The following ABLIM1 variants were observed in gnomAD, a reference collection of about 807,000 sequenced individuals.
ABLIM1 encodes the protein actin binding LIM protein 1, also known as actin-binding LIM protein 1.
A neutral mutation model predicts 107.0 loss-of-function variants in ABLIM1; 40 were observed. That is an observed-to-expected ratio of 0.37 (90% confidence interval 0.29 to 0.49). The LOEUF is 0.49. Among genes scored for constraint, ABLIM1 ranks in the 20% least tolerant of loss-of-function variants. ABLIM1 has a pLI of 0.97. For missense variants in ABLIM1, 857 were observed against 1,008.5 expected, an observed-to-expected ratio of 0.85 and a Z score of 2.04; for synonymous variants, 357 against 357.3, an observed-to-expected ratio of 1.00 and a Z score of 0.01.
intron 7 of ABLIM1, among the ~76,000 whole-genome samples, chr10:114,489,269 G>A (rs1166388465): frequency 2.6e-5 from 4 of 152,036 alleles, no homozygotes; most frequent in Non-Finnish European, 5.9e-5. Flanking sequence ...CACCCACCTC[G>A]GCCTACCAAA....
intron 6 of ABLIM1, chr10:114,526,501 A>T (rs1590923321): frequency 2.8e-6 from 1 of 355,236 alleles, no homozygotes; most frequent in Non-Finnish European, 3.9e-6. Flanking sequence ...AGTTTACATA[A>T]ATGTATGTCA....
chr10:114,590,706 C>T (rs1261491661), intron 2 of ABLIM1, among the ~76,000 whole-genome samples: 4 of 152,128 alleles, frequency 2.6e-5, no homozygotes, highest in African/African-American at 7.2e-5. Context: ...CTTTGCCTTG[C>T]CCAGGCTTTT....
chr10:114,757,687 G>A lies in ABLIM1; in HGVS notation c.-213+10374C>T, dbSNP rs148964356. On this transcript the variant is annotated intron_variant, in intron 1 of 15. Coordinates refer to the ABLIM1 transcript ENST00000651092. ...CATCTTCTCTTATCTTGACCATTAC[G>A]GTAGCCTCCTAACTGTTCTTCTTGC... 3.5e-3 allele frequency among the ~76,000 whole-genome samples: 526 copies of A among 152,172 alleles called. 2 individuals are homozygous for A. The highest frequency in any genetic ancestry group is 0.012 in the African/African-American group (500 of 41,512).
At chr10:114,711,851 C>T (rs1206960072) in intron 1 of ABLIM1, among the ~76,000 whole-genome samples, 2 of 152,118 alleles carry the variant, frequency 1.3e-5, no homozygotes, top group East Asian at 3.9e-4. Flanking sequence ...CTCCTCCCAC[C>T]CTCAGATATC....
At position 114,629,094 on chromosome 10, in the gene ABLIM1, A is replaced by G. The variant is rs940869075; in HGVS notation, c.245-27133T>C. Among the ~76,000 whole-genome samples, 1 of 152,332 alleles carries G rather than the reference A, an allele frequency of 6.6e-6. No individual in the cohort carries two copies. The highest frequency in any genetic ancestry group is 1.5e-5 in the Non-Finnish European group (1 of 68,026). On this transcript the variant is annotated intron_variant, in intron 1 of 22. Coordinates refer to ENST00000533213, the MANE Select transcript of ABLIM1 (RefSeq NM_002313.7). This position sits in a 1 kb window ranked among gnomAD's most constrained non-coding sequence, Gnocchi z 4.0. Reference sequence around the variant, plus strand: ...GCTGGAAGTGAATGGGTGCCTGGTCAGGAGAACAAAAGATAATAAGGTCAA... The same window carrying G: ...GCTGGAAGTGAATGGGTGCCTGGTCGGGAGAACAAAAGATAATAAGGTCAA...
chr10:114,546,543 C>T (rs2067371340), intron 5 of ABLIM1, among the ~76,000 whole-genome samples: 1 of 152,066 alleles, frequency 6.6e-6, no homozygotes, highest in Non-Finnish European at 1.5e-5. Flanking sequence ...GATCCGACTG[C>T]CTCGGCCTCC....
intron 1 of ABLIM1, among the ~76,000 whole-genome samples, chr10:114,765,341 G>A (rs997625099): frequency 3.4e-5 from 5 of 148,468 alleles, no homozygotes; most frequent in Non-Finnish European, 7.5e-5. Context: ...GAGCCACTGC[G>A]CCCGGCCATT....
chr10:114,468,847 C>T (rs1229380507), intron 10 of ABLIM1, among the ~76,000 whole-genome samples: 4 of 151,524 alleles, frequency 2.6e-5, no homozygotes, highest in Non-Finnish European at 2.9e-5. Flanking sequence ...GTCAGGAGAT[C>T]GAGACCATCC....
At chr10:114,772,245 C>G (rs1283855393), upstream of ABLIM1, among the ~76,000 whole-genome samples, 1 of 152,066 alleles carries the variant, frequency 6.6e-6, no homozygotes, top group Non-Finnish European at 1.5e-5. Context: ...GATAAAATGA[C>G]CTCAGATTAG....
intron 1 of ABLIM1, among the ~76,000 whole-genome samples, chr10:114,745,641 G>A (rs1245264622): frequency 6.6e-6 from 1 of 152,052 alleles, no homozygotes; most frequent in Non-Finnish European, 1.5e-5. Context: ...AGGCCAAGGT[G>A]GGCAGATCAC....
chr10:114,446,950 T>C (rs1397869561), intron 15 of ABLIM1, among the ~76,000 whole-genome samples: 1 of 152,230 alleles, frequency 6.6e-6, no homozygotes, highest in Non-Finnish European at 1.5e-5. Flanking sequence ...AGGAGGTAGA[T>C]TTTTCCTTAA....
chr10:114,561,784 C>T (rs1359990370), intron 4 of ABLIM1, among the ~76,000 whole-genome samples: 1 of 152,132 alleles, frequency 6.6e-6, no homozygotes, highest in Non-Finnish European at 1.5e-5. Flanking sequence ...GAAACAAAAA[C>T]AGCAAATAAC....
chr10:114,736,045 A>T (rs1400414719), intron 1 of ABLIM1, among the ~76,000 whole-genome samples: 2 of 152,244 alleles, frequency 1.3e-5, no homozygotes, highest in Non-Finnish European at 2.9e-5. Flanking sequence ...ACATCTAAAT[A>T]TGCTGGCAAG....
chr10:114,680,870 G>T (rs2080717560), intron 1 of ABLIM1, among the ~76,000 whole-genome samples: 1 of 152,174 alleles, frequency 6.6e-6, no homozygotes. Flanking sequence ...CCCTAGCATG[G>T]TGCCTGCCAC....
chr10:114,658,234 G>C lies in ABLIM1; in HGVS notation c.-34C>G, dbSNP rs375181270. On this transcript the variant is annotated 5_prime_UTR_variant, in exon 1 of 23. Transcript: ENST00000533213. ...GGATTTCCAAGCAATGAGAAATGGG[G>C]AGTGGGGACCCAAGGAGCGGTGCTG... 6.3e-7 allele frequency: 1 copy of C among 1,583,240 alleles called. No individual in the cohort carries two copies. The highest frequency in any genetic ancestry group is 1.3e-5 in the African/African-American group (1 of 74,292).
intron 1 of ABLIM1, among the ~76,000 whole-genome samples, chr10:114,760,252 T>C (rs1186888359): frequency 2.0e-5 from 3 of 152,128 alleles, no homozygotes; most frequent in Non-Finnish European, 1.5e-5. Context: ...GCTGTTAAGA[T>C]ATTTTCAGAT....
At chr10:114,482,094 T>C (rs2057457540) in intron 8 of ABLIM1, among the ~76,000 whole-genome samples, 1 of 152,188 alleles carries the variant, frequency 6.6e-6, no homozygotes, top group Non-Finnish European at 1.5e-5. Context: ...TGAAAGCAAG[T>C]GACACCCCCC....
chr10:114,622,332 G>A (rs565354418), intron 1 of ABLIM1, among the ~76,000 whole-genome samples: 7 of 145,090 alleles, frequency 4.8e-5, no homozygotes, highest in East Asian at 4.1e-4. Context: ...TCGCATCCTC[G>A]ACCTCCAGGC....
At chr10:114,514,129 T>G (rs1300171636) in intron 6 of ABLIM1, among the ~76,000 whole-genome samples, 1 of 152,062 alleles carries the variant, frequency 6.6e-6, no homozygotes, top group African/African-American at 2.4e-5. Context: ...GCAAACATAA[T>G]TAAGTGAAAT....
Sources: allele counts gnomAD v4.1 joint callset (sites outside exome capture counted in the v4.1 genomes callset), GRCh38; gene constraint gnomAD v4.1.1; non-coding constraint Gnocchi (gnomAD v3.1); transcripts MANE v1.5; gene names NCBI Gene and HGNC (gene_info 2026-07-23, HGNC 2026-07-21).